Variants in KCNJ3 observed in about 807,000 individuals in gnomAD.
The protein encoded by KCNJ3 is G protein-activated inward rectifier potassium channel 1.
A neutral mutation model predicts 39.2 loss-of-function variants in KCNJ3; 4 were observed. The ratio of observed to expected loss-of-function variants is 0.10; its 90% CI spans 0.05 to 0.23. The LOEUF (loss-of-function observed/expected upper bound fraction) is 0.23, where lower values mean the gene tolerates loss of function less well. Among genes scored for constraint, KCNJ3 ranks in the 10% least tolerant of loss-of-function variants. KCNJ3 has a pLI of 1.00. For synonymous variants in KCNJ3, 230 were observed against 237.4 expected (o/e 0.97, Z 0.29); for missense variants, 276 against 634.9 (o/e 0.43, Z 6.08).
At chr2:154,802,706 A>G (rs541244198) in intron 2 of KCNJ3, among the ~76,000 whole-genome samples, 136 of 152,284 alleles carry the variant, frequency 8.9e-4, no homozygotes, top group Middle Eastern at 6.8e-3. Context: ...ATTCAGTCTC[A>G]TAGTTTCACA....
At chr2:154,700,237 C>A (rs1350860383) in intron 1 of KCNJ3, among the ~76,000 whole-genome samples, 3 of 152,170 alleles carry the variant, frequency 2.0e-5, no homozygotes, top group Non-Finnish European at 4.4e-5. Flanking sequence ...TCACTTGAAG[C>A]TTTCAGCATC....
At chr2:154,850,044 T>TTTTTTTTA in intron 2 of KCNJ3, among the ~76,000 whole-genome samples, 1 of 116,342 alleles carries the variant, frequency 8.6e-6, no homozygotes, top group South Asian at 2.8e-4. Context: ...TTTTTTTTTT[T>TTTTTTTTA]ACAAAATGTT....
chr2:154,803,651 A>G (rs1686860284), intron 2 of KCNJ3, among the ~76,000 whole-genome samples: 1 of 152,008 alleles, frequency 6.6e-6, no homozygotes, highest in African/African-American at 2.4e-5. Context: ...CTGAGTTCTA[A>G]TTTACATGAT....
intron 2 of KCNJ3, among the ~76,000 whole-genome samples, chr2:154,841,843 T>C (rs943149304): frequency 2.6e-5 from 4 of 152,158 alleles, no homozygotes; most frequent in Non-Finnish European, 5.9e-5. Flanking sequence ...TTTATTAGTT[T>C]TTCTAGCTGT....
intron 2 of KCNJ3, among the ~76,000 whole-genome samples, chr2:154,728,149 C>T (rs1026363939): frequency 6.6e-6 from 1 of 151,882 alleles, no homozygotes; most frequent in African/African-American, 2.4e-5. Context: ...TTCATTAGTA[C>T]TCTATATCAT....
chr2:154,742,928 C>A (rs1280532983), intron 2 of KCNJ3, among the ~76,000 whole-genome samples: 1 of 151,722 alleles, frequency 6.6e-6, no homozygotes, highest in Admixed American at 6.6e-5. Flanking sequence ...TGTATCATAG[C>A]CAAAAAATCA....
intron 2 of KCNJ3, among the ~76,000 whole-genome samples, chr2:154,721,338 G>A (rs982702555): frequency 6.6e-6 from 1 of 151,996 alleles, no homozygotes; most frequent in African/African-American, 2.4e-5. Context: ...TTGAGTTATT[G>A]CATATTGTTG....
chr2:154,724,917 GTA>G lies in KCNJ3; in HGVS notation c.919+15117_919+15118del, dbSNP rs59124944. On this transcript the variant is annotated intron_variant, in intron 2 of 2. Transcript: ENST00000295101. ...TGTATATATACAAGATACATATGAG[GTA>G]TATATATATATATATATACCTTTGA... Among the ~76,000 whole-genome samples, 107 of 116,118 alleles carry G rather than the reference GTA, an allele frequency of 9.2e-4. 1 individual carries two copies. The highest frequency in any genetic ancestry group is 1.1e-3 in the Non-Finnish European group (65 of 57,564). The allele number at this position is 116,118 out of a possible 152,430, so 76.2% of individuals were successfully genotyped here. A position where few individuals can be genotyped will look rare whatever the true frequency, so the allele number is the denominator to read the frequency against.
chr2:154,794,127 A>G (rs1686683034), intron 2 of KCNJ3, among the ~76,000 whole-genome samples: 1 of 151,916 alleles, frequency 6.6e-6, no homozygotes, highest in South Asian at 2.1e-4. Context: ...TATATTCTAT[A>G]ATTTTATGTC....
chr2:154,759,365 T>TC (rs1405167010), intron 2 of KCNJ3, among the ~76,000 whole-genome samples: 4 of 150,030 alleles, frequency 2.7e-5, no homozygotes, highest in African/African-American at 9.7e-5. Context: ...TTTTACAACT[T>TC]TTTTTTTTTT....
At chr2:154,826,311 G>A (rs1687271332) in intron 2 of KCNJ3, among the ~76,000 whole-genome samples, 1 of 152,166 alleles carries the variant, frequency 6.6e-6, no homozygotes, top group Non-Finnish European at 1.5e-5. Flanking sequence ...ATACACAGCA[G>A]TTTGGCTAAC....
At chr2:154,824,981 C>A (rs547698724) in intron 2 of KCNJ3, among the ~76,000 whole-genome samples, 1 of 152,170 alleles carries the variant, frequency 6.6e-6, no homozygotes, top group East Asian at 1.9e-4. Context: ...TGCAGTCCTG[C>A]GCAATCCGTT....
chr2:154,825,059 T>A (rs1412012923), intron 2 of KCNJ3, among the ~76,000 whole-genome samples: 2 of 152,236 alleles, frequency 1.3e-5, no homozygotes, highest in Admixed American at 6.5e-5. Context: ...TTTTTAATAG[T>A]CTGTGCCTTG....
intron 2 of KCNJ3, among the ~76,000 whole-genome samples, chr2:154,719,430 G>T (rs553796726): frequency 6.6e-6 from 1 of 152,132 alleles, no homozygotes; most frequent in South Asian, 2.1e-4. Flanking sequence ...AAATTAATGT[G>T]GGTAGAAAAC....
At chr2:154,708,950 A>G (rs1260318119) in intron 1 of KCNJ3, among the ~76,000 whole-genome samples, 1 of 152,194 alleles carries the variant, frequency 6.6e-6, no homozygotes, top group Non-Finnish European at 1.5e-5. Context: ...AGAAGCAAAT[A>G]TTTATAATGC....
chr2:154,712,699 G>A (rs980007924), intron 2 of KCNJ3, among the ~76,000 whole-genome samples: 52 of 152,256 alleles, frequency 3.4e-4, no homozygotes, highest in African/African-American at 1.2e-3. Context: ...GTGTTGCGGG[G>A]GGTGAGCGTG....
At chr2:154,724,917 GTATATATA>G (rs59124944) in intron 2 of KCNJ3, among the ~76,000 whole-genome samples, 3 of 116,316 alleles carry the variant, frequency 2.6e-5, no homozygotes, top group Admixed American at 8.5e-5. Flanking sequence ...TACATATGAG[GTATATATA>G]TATATATATA....
chr2:154,725,363 T>C (rs954417657), intron 2 of KCNJ3, among the ~76,000 whole-genome samples: 2 of 149,558 alleles, frequency 1.3e-5, no homozygotes, highest in Non-Finnish European at 1.5e-5. Context: ...AAAGTTTGCT[T>C]TTTTTTTTTG....
chr2:154,760,704 C>T (rs1686022535), intron 2 of KCNJ3, among the ~76,000 whole-genome samples: 1 of 151,330 alleles, frequency 6.6e-6, no homozygotes, highest in South Asian at 2.1e-4. Flanking sequence ...CAGGCTCATG[C>T]CAACACCCTG....
Sources: gnomAD v4.1 joint callset for allele counts (sites outside exome capture counted in the v4.1 genomes callset) on GRCh38, gnomAD v4.1.1 for gene constraint, MANE v1.5 for transcripts, NCBI Gene and HGNC (gene_info 2026-07-23, HGNC 2026-07-21) for gene names.